The following HOMER2 variants were observed in gnomAD, a reference collection of about 807,000 sequenced individuals.
The protein encoded by HOMER2 is homer protein homolog 2.
HOMER2 carries 27 observed loss-of-function variants against 47.0 expected under a neutral mutation model. The ratio of observed to expected loss-of-function variants is 0.57; its 90% confidence interval spans 0.42 to 0.79. The LOEUF (loss-of-function observed/expected upper bound fraction) is 0.79. Among genes scored for constraint, HOMER2 ranks in the 30% least tolerant of loss-of-function variants. The pLI is 0.00. For missense variants in HOMER2, 443 were observed against 435.0 expected, an observed-to-expected ratio of 1.02 and a Z score of -0.16; for synonymous variants, 161 against 163.8, an observed-to-expected ratio of 0.98 and a Z score of 0.13.
chr15:82,979,459 A>G (rs138508145), intron 1 of HOMER2, among the ~76,000 whole-genome samples: 80 of 152,302 alleles, frequency 5.3e-4, no homozygotes, highest in African/African-American at 1.7e-3. Context: ...TATTTTCTGT[A>G]TGTTTCACAA....
chr15:82,851,139 C>CA lies in HOMER2; in HGVS notation c.843+11dup. On this transcript the variant is annotated intron_variant, in intron 8 of 8. Transcript: ENST00000450735. ...GTCTGAGCCAGGATGGCTGTGCCCC[C>CA]AACCCACGTACCTCTAGCTTCTCAG... The CA allele has an allele frequency of 6.4e-7, 1 of 1,564,554 alleles. No homozygotes were observed. Among genetic ancestry groups the CA allele is most frequent in the Non-Finnish European group, 8.7e-7 (1 of 1,148,472 alleles).
chr15:82,929,636 T>A (rs746006543), intron 1 of HOMER2, among the ~76,000 whole-genome samples: 1 of 116,392 alleles, frequency 8.6e-6, no homozygotes, highest in African/African-American at 3.6e-5. Context: ...CCAGCCTGGG[T>A]GACAGAGTGA....
At chr15:82,919,256 T>C (rs2053667603) in intron 1 of HOMER2, among the ~76,000 whole-genome samples, 1 of 152,228 alleles carries the variant, frequency 6.6e-6, no homozygotes. Context: ...ATACCAGACA[T>C]GTAAGTTAAC....
chr15:82,861,787 G>A (rs564451142), intron 4 of HOMER2, among the ~76,000 whole-genome samples: 77 of 152,066 alleles, frequency 5.1e-4, no homozygotes, highest in African/African-American at 1.7e-3. Context: ...CAGGCAGATC[G>A]CCTGATATCA....
chr15:82,940,211 G>A (rs1214527831), intron 1 of HOMER2, among the ~76,000 whole-genome samples: 6 of 151,656 alleles, frequency 4.0e-5, no homozygotes, highest in African/African-American at 2.4e-5. Context: ...AGAACTTAAA[G>A]TATAATAAAA....
exon 2 of HOMER2, chr15:82,838,373 A>G (rs1171279308): frequency 6.6e-6 from 1 of 152,296 alleles, no homozygotes; most frequent in Admixed American, 6.5e-5. Context: ...TAGGGGGTAG[A>G]ACTGTGGCTC....
intron 3 of HOMER2, among the ~76,000 whole-genome samples, chr15:82,871,699 G>A (rs532634395): frequency 3.3e-5 from 5 of 152,220 alleles, no homozygotes; most frequent in Middle Eastern, 3.4e-3. Context: ...TTGGCAGGAC[G>A]GTGCACTCCT....
intron 2 of HOMER2, among the ~76,000 whole-genome samples, chr15:82,879,671 C>T (rs1420030865): frequency 1.3e-5 from 2 of 152,088 alleles, no homozygotes; most frequent in Non-Finnish European, 2.9e-5. Flanking sequence ...GGACTTGTGT[C>T]GATCCTGATG....
At chr15:82,854,823 G>T (rs761559608) in intron 5 of HOMER2, 23 bp from the exon 6 acceptor site, 5 of 1,599,238 alleles carry the variant, frequency 3.1e-6, no homozygotes, top group Middle Eastern at 1.8e-4. Flanking sequence ...GACGGGCGGT[G>T]ACGACGGGGT....
At chr15:82,927,828 G>A (rs1353073079) in intron 1 of HOMER2, among the ~76,000 whole-genome samples, 1 of 151,982 alleles carries the variant, frequency 6.6e-6, no homozygotes, top group Non-Finnish European at 1.5e-5. Flanking sequence ...AAATTAGCCG[G>A]GCATAGTAGT....
At chr15:82,902,796 T>G (rs2053163543) in intron 1 of HOMER2, among the ~76,000 whole-genome samples, 1 of 152,212 alleles carries the variant, frequency 6.6e-6, no homozygotes, top group Non-Finnish European at 1.5e-5. Context: ...TTTTAAATAC[T>G]GAGGGCTTTT....
In HOMER2 at chr15:82,849,802, C is replaced by A. The variant is rs984471781; in HGVS notation, c.945G>T (p.Leu315Phe). The A allele has an allele frequency of 6.2e-7, 1 of 1,614,024 alleles. No individual in the cohort carries two copies. The highest frequency in any genetic ancestry group is 1.3e-5 in the African/African-American group (1 of 75,056). ...KYRQRHLKVE[L>F]KSFLEVLDGK... is the part of the protein sequence containing the mutation. The stretch of plus-strand genomic sequence containing the variant: ...CGTCCAGCACCTCCAGGAAGCTCTT[C>A]AACTCCACCTTCAGGTGGCGCTGTC... Residue 315 changes from leucine to phenylalanine, a missense_variant, in exon 9 of 9, where the codon TTG becomes TTT. Physicochemically the swap from Leu to Phe is conservative, Grantham distance 22. Transcript: ENST00000450735.
At chr15:82,938,279 CAGG>C (rs1156323273) in intron 1 of HOMER2, among the ~76,000 whole-genome samples, 2 of 152,160 alleles carry the variant, frequency 1.3e-5, no homozygotes, top group Admixed American at 6.5e-5. Flanking sequence ...GAGGCTGAGA[CAGG>C]AGAATTGCTT....
intron 8 of HOMER2, 72 bp from the exon 9 acceptor site, chr15:82,849,975 T>G: frequency 6.8e-7 from 1 of 1,475,468 alleles, no homozygotes; most frequent in South Asian, 1.2e-5. Context: ...CTGCTACAGC[T>G]GAACCAACCA....
chr15:82,950,701 T>C (rs1025055346), intron 1 of HOMER2, among the ~76,000 whole-genome samples: 3 of 152,216 alleles, frequency 2.0e-5, no homozygotes, highest in African/African-American at 7.2e-5. Context: ...AAGTGAGTAA[T>C]ATATACATTT....
At chr15:82,940,819 G>T (rs2061856276) in intron 1 of HOMER2, among the ~76,000 whole-genome samples, 1 of 151,954 alleles carries the variant, frequency 6.6e-6, no homozygotes, top group Non-Finnish European at 1.5e-5. Flanking sequence ...CTTGTGCCCA[G>T]AGGTTGAGGC....
chr15:82,963,966 A>G (rs2054652302), intron 1 of HOMER2, among the ~76,000 whole-genome samples: 1 of 152,178 alleles, frequency 6.6e-6, no homozygotes, highest in Non-Finnish European at 1.5e-5. Context: ...ACAACTGAGC[A>G]CTGACGATGA....
Position 82,928,940 on chromosome 15 carries a change from T to TAAAAAAAAAAAAAAAAAAAAAAAAAAA in HOMER2, c.5+23590_5+23591insTTTTTTTTTTTTTTTTTTTTTTTTTTT. Among the ~76,000 whole-genome samples, 45 of 39,924 alleles carry TAAAAAAAAAAAAAAAAAAAAAAAAAAA rather than the reference T, an allele frequency of 1.1e-3. 9 individuals are homozygous for TAAAAAAAAAAAAAAAAAAAAAAAAAAA. Among genetic ancestry groups the TAAAAAAAAAAAAAAAAAAAAAAAAAAA allele is most frequent in the Admixed American group, 2.7e-3 (7 of 2,570 alleles). 26.2% of individuals were successfully genotyped at this position (39,924 alleles called of 152,430 possible). A position where few individuals can be genotyped will look rare whatever the true frequency, so the allele number is the denominator to read the frequency against. The stretch of plus-strand genomic sequence containing the variant: ...TAACAACTGGCAAAAAAATAAAAAC[T>TAAAAAAAAAAAAAAAAAAAAAAAAAAA]AAAAAAAAAAAAAAAAAAAAGCTGT... On this transcript the variant is annotated intron_variant, in intron 1 of 8. Coordinates refer to ENST00000450735, the MANE Select transcript of HOMER2 (RefSeq NM_004839.4).
chr15:82,922,472 T>C (rs1470111311), intron 1 of HOMER2, among the ~76,000 whole-genome samples: 3 of 152,230 alleles, frequency 2.0e-5, no homozygotes, highest in African/African-American at 4.8e-5. Context: ...AAAATAAACA[T>C]GGGCATTTGA....
Sources: allele counts gnomAD v4.1 joint callset (sites outside exome capture counted in the v4.1 genomes callset), GRCh38; gene constraint gnomAD v4.1.1; transcripts MANE v1.5; gene names NCBI Gene and HGNC (gene_info 2026-07-23, HGNC 2026-07-21).